Variants in IDE observed in about 807,000 individuals in gnomAD.
IDE encodes the protein insulin degrading enzyme.
A neutral mutation model predicts 133.2 loss-of-function variants in IDE; 58 were observed. The ratio of observed to expected loss-of-function variants is 0.44; its 90% CI spans 0.35 to 0.54. The LOEUF (loss-of-function observed/expected upper bound fraction) is 0.54. Among genes scored for constraint, IDE ranks in the 20% least tolerant of loss-of-function variants. The probability of loss-of-function intolerance (pLI) is 0.00; values close to 1 mark genes in which losing one functional copy is unlikely to be tolerated. For synonymous variants in IDE, 396 were observed against 421.3 expected (o/e 0.94, Z 0.73); for missense variants, 981 against 1,234.0 (o/e 0.79, Z 3.07).
intron 1 of IDE, among the ~76,000 whole-genome samples, chr10:92,564,492 C>T (rs778085220): frequency 2.7e-5 from 4 of 149,992 alleles, no homozygotes; most frequent in East Asian, 2.0e-4. Flanking sequence ...GCCAACATGA[C>T]GAAACCCTGT....
intron 4 of IDE, among the ~76,000 whole-genome samples, chr10:92,525,418 C>A (rs1849570616): frequency 6.6e-6 from 1 of 152,138 alleles, no homozygotes. Context: ...CTGTATATGA[C>A]AAACTCAGAG....
At chr10:92,535,628 C>T (rs1324479630) in intron 2 of IDE, among the ~76,000 whole-genome samples, 3 of 152,160 alleles carry the variant, frequency 2.0e-5, no homozygotes, top group Non-Finnish European at 2.9e-5. Context: ...TTATGGTAGG[C>T]AGTAGTTATT....
At chr10:92,474,800 A>C in intron 17 of IDE, 41 bp downstream of exon 17, 2 of 1,572,914 alleles carry the variant, frequency 1.3e-6, no homozygotes, top group Non-Finnish European at 1.7e-6. Flanking sequence ...AATTTAGGAA[A>C]AAAATGAAGA....
chr10:92,479,606 TGTGA>T (rs887786873), intron 14 of IDE, 185 bp from the exon 15 acceptor site: 129 of 542,082 alleles, frequency 2.4e-4, no homozygotes, highest in Non-Finnish European at 5.9e-5. Context: ...CTGAAGTGTG[TGTGA>T]GTGTGTGTGT....
At chr10:92,507,743 G>T in intron 8 of IDE, 77 bp from the exon 9 acceptor site, 1 of 835,260 alleles carries the variant, frequency 1.2e-6, no homozygotes, top group Non-Finnish European at 2.1e-6. Context: ...CTAAGGTAAA[G>T]TCAGATAAGT....
intron 19 of IDE, 48 bp from the exon 20 acceptor site, chr10:92,465,891 G>A (rs1482926728): frequency 6.6e-7 from 1 of 1,521,134 alleles, no homozygotes; most frequent in Non-Finnish European, 9.1e-7. Flanking sequence ...CTTATTTGGG[G>A]TTTAATAAAG....
At position 92,574,070 on chromosome 10, in the gene IDE, G is replaced by A. The variant is rs4646954; in HGVS notation, c.-51C>T. On this transcript the variant is annotated 5_prime_UTR_variant, in exon 1 of 25. Transcript: ENST00000265986. ...CGCAAACGCTTCCTGCTTGCGCTTC[G>A]AGCCGGCCCTGCGCACTGCGCATGC... 151,705 of 1,418,436 alleles carry A rather than the reference G, an allele frequency of 0.11. 10,783 individuals are homozygous for A. Among genetic ancestry groups the A allele is most frequent in the African/African-American group, 0.32 (21,660 of 67,382 alleles). The allele number at this position is 1,418,436 out of a possible 1,614,324, so 87.9% of individuals were successfully genotyped here.
chr10:92,511,923 T>C lies in IDE; in HGVS notation c.785-1761A>G, dbSNP rs555924339. Among the ~76,000 whole-genome samples the C allele has an allele frequency of 7.2e-5, 11 of 152,312 alleles. No individual in the cohort carries two copies. In the South Asian group the frequency reaches 2.3e-3, roughly 32 times the overall value. ...GTGACAGCAACACCCTGAGCAAGGTTCTACCAGGTGTATCTTTCCTCTTGC... is the reference window on the plus strand; with the variant it reads ...GTGACAGCAACACCCTGAGCAAGGTCCTACCAGGTGTATCTTTCCTCTTGC... On this transcript the variant is annotated intron_variant, in intron 5 of 24. Coordinates refer to ENST00000265986, the MANE Select transcript of IDE (RefSeq NM_004969.4).
At chr10:92,456,892 A>C (rs77805137) in intron 22 of IDE, among the ~76,000 whole-genome samples, 2,555 of 149,212 alleles carry the variant, frequency 0.017, 38 homozygotes, top group Non-Finnish European at 0.025. Context: ...AAAAGAAAAG[A>C]TACTTCCCTT....
intron 4 of IDE, among the ~76,000 whole-genome samples, chr10:92,527,921 CAG>C (rs908744108): frequency 1.4e-4 from 22 of 152,170 alleles, no homozygotes; most frequent in African/African-American, 4.3e-4. Flanking sequence ...GGAGCTGAGA[CAG>C]GGGAATCGTT....
intron 22 of IDE, among the ~76,000 whole-genome samples, chr10:92,456,687 C>T (rs1015065022): frequency 2.0e-5 from 3 of 151,550 alleles, no homozygotes; most frequent in African/African-American, 7.3e-5. Flanking sequence ...AAAAATACAA[C>T]AATTAGCCAA....
intron 11 of IDE, 44 bp from the exon 12 acceptor site, chr10:92,490,639 C>A: frequency 8.8e-7 from 1 of 1,133,964 alleles, no homozygotes; most frequent in Non-Finnish European, 1.3e-6. Flanking sequence ...TAAACTCATA[C>A]TGTATATATG....
chr10:92,480,186 G>C (rs1329058710), intron 14 of IDE, among the ~76,000 whole-genome samples: 1 of 152,170 alleles, frequency 6.6e-6, no homozygotes, highest in African/African-American at 2.4e-5. Context: ...AGCAGAGCTG[G>C]GATTCAAATG....
intron 1 of IDE, chr10:92,558,852 C>T (rs1044010137): frequency 2.3e-4 from 35 of 151,940 alleles, no homozygotes; most frequent in African/African-American, 8.5e-4. Context: ...GCCTCATCCT[C>T]CCAAAGTGCT....
At chr10:92,522,176 G>C (rs1002834383) in intron 4 of IDE, among the ~76,000 whole-genome samples, 5 of 152,138 alleles carry the variant, frequency 3.3e-5, no homozygotes, top group African/African-American at 1.2e-4. Flanking sequence ...TTTACCACAG[G>C]ATCAGGAGTC....
intron 4 of IDE, among the ~76,000 whole-genome samples, chr10:92,516,449 G>A (rs1470762108): frequency 6.6e-6 from 1 of 152,124 alleles, no homozygotes; most frequent in Admixed American, 6.5e-5. Flanking sequence ...AGCCAAGATT[G>A]TACCACTGCA....
At chr10:92,470,228 A>G (rs1231590283) in intron 18 of IDE, 26 bp downstream of exon 18, 4 of 1,473,550 alleles carry the variant, frequency 2.7e-6, no homozygotes, top group Non-Finnish European at 3.7e-6. Flanking sequence ...GATCCACAAA[A>G]GATTGCTAAA....
At chr10:92,479,172 T>TA (rs35864975) in intron 15 of IDE, 105 bp downstream of exon 15, 230,677 of 624,688 alleles carry the variant, frequency 0.37, 28,682 homozygotes, top group East Asian at 0.54. Flanking sequence ...CCATAAAGAT[T>TA]AAAAAAAAAA....
intron 23 of IDE, 68 bp downstream of exon 23, chr10:92,456,291 T>C: frequency 9.7e-7 from 1 of 1,032,778 alleles, no homozygotes; most frequent in Admixed American, 1.7e-5. Context: ...ATAAGGCATG[T>C]AGCTATGACA....
Sources: gnomAD v4.1 joint callset for allele counts (sites outside exome capture counted in the v4.1 genomes callset) on GRCh38, gnomAD v4.1.1 for gene constraint, MANE v1.5 for transcripts, NCBI Gene and HGNC (gene_info 2026-07-23, HGNC 2026-07-21) for gene names.